CCNI: variants seen among roughly 807,000 people sequenced by gnomAD.
CCNI encodes the protein cyclin-I.
CCNI carries 14 observed loss-of-function variants against 34.1 expected under a neutral mutation model. The observed-to-expected ratio is 0.41, with a 90% CI of 0.27 to 0.64. The LOEUF is 0.64. Ranked by LOEUF, CCNI falls within the 30% of genes least tolerant of loss-of-function variation. CCNI has a pLI of 0.31. For synonymous variants in CCNI, 154 were observed against 158.4 expected, an observed-to-expected ratio of 0.97 and a Z score of 0.21; for missense variants, 385 against 440.5, an observed-to-expected ratio of 0.87 and a Z score of 1.13.
At chr4:77,061,079 T>G (rs1728569412) in intron 2 of CCNI, among the ~76,000 whole-genome samples, 1 of 152,160 alleles carries the variant, frequency 6.6e-6, no homozygotes, top group African/African-American at 2.4e-5. Flanking sequence ...ATAGTAAAAT[T>G]TAACAACAGG....
intron 1 of CCNI, among the ~76,000 whole-genome samples, chr4:77,073,516 G>A (rs1578261009): frequency 6.6e-6 from 1 of 152,188 alleles, no homozygotes; most frequent in Admixed American, 6.5e-5. Flanking sequence ...AGGGATTAAC[G>A]TGGCCATACA....
At chr4:77,064,586 C>CGCAT (rs200531589) in intron 2 of CCNI, 1 of 18,730 alleles carries the variant, frequency 5.3e-5, no homozygotes, top group Non-Finnish European at 1.1e-4. Flanking sequence ...CGCGCGCGCG[C>CGCAT]ACACACACAC....
chr4:77,049,530 T>C (rs574083223), intron 6 of CCNI, among the ~76,000 whole-genome samples: 118 of 152,070 alleles, frequency 7.8e-4, no homozygotes, highest in Non-Finnish European at 1.5e-3. Flanking sequence ...TACAAAACAT[T>C]AGCAGGACAT....
In CCNI at chr4:77,056,026, C is replaced by G; in HGVS notation, c.395G>C (p.Arg132Thr). ...CCAATTCAACTTATCCAGAATAATT[C>G]TCTCCATTCTCAAAATTTCAGATGA... is the stretch of plus-strand genomic sequence containing the variant. Reference protein sequence around the residue: ...CSSSEILRMERIILDKLNWDL... With the variant: ...CSSSEILRMETIILDKLNWDL... The change falls in exon 5 of 7, where the codon AGA becomes ACA. Residue 132 changes from arginine to threonine, a missense_variant. This residue lies in a region of CCNI where 135 missense variants were observed against 191.8 expected (regional missense o/e 0.70). Coordinates refer to ENST00000237654, the MANE Select transcript of CCNI (RefSeq NM_006835.3). The G allele has an allele frequency of 1.2e-6, 2 of 1,613,244 alleles. No homozygotes were observed. Among genetic ancestry groups the G allele is most frequent in the Non-Finnish European group, 1.7e-6 (2 of 1,179,290 alleles).
At chr4:77,052,438 G>A (rs1261085675) in intron 6 of CCNI, among the ~76,000 whole-genome samples, 1 of 152,134 alleles carries the variant, frequency 6.6e-6, no homozygotes. Context: ...AGAGAAAGAG[G>A]TTTAGCCATC....
chr4:77,063,360 A>G (rs1010679473), intron 2 of CCNI, among the ~76,000 whole-genome samples: 2 of 150,962 alleles, frequency 1.3e-5, no homozygotes, highest in African/African-American at 4.8e-5. Flanking sequence ...AAAAAAAAAA[A>G]AAAAAAAAAG....
intron 1 of CCNI, among the ~76,000 whole-genome samples, chr4:77,069,873 A>G (rs1310507106): frequency 6.6e-6 from 1 of 151,676 alleles, no homozygotes; most frequent in Non-Finnish European, 1.5e-5. Flanking sequence ...TCTCTTTCAC[A>G]CCAATCCTTC....
intron 6 of CCNI, 118 bp downstream of exon 6, chr4:77,055,032 T>C (rs1186974595): frequency 1.5e-6 from 1 of 646,858 alleles, no homozygotes; most frequent in Non-Finnish European, 2.7e-6. Flanking sequence ...TACTCTTGTC[T>C]ACTCTTAAGA....
intron 6 of CCNI, among the ~76,000 whole-genome samples, chr4:77,052,960 A>C (rs1291418666): frequency 6.6e-6 from 1 of 152,162 alleles, no homozygotes. Context: ...CCCCACTGCA[A>C]TTATATACTA....
In CCNI at chr4:77,048,510, G is replaced by A. The variant is rs367798805; in HGVS notation, c.843C>T (p.Pro281=). 16 of 1,614,104 alleles carry A rather than the reference G, an allele frequency of 9.9e-6. No individual in the cohort carries two copies. The highest frequency in any genetic ancestry group is 1.7e-5 in the Admixed American group (1 of 60,012). Reference sequence around the variant, plus strand: ...AGAAGTCTGGGCCTGGGACAGAGGAGGGATGTAATCTGAACACTCCTTTGT... The same window carrying A: ...AGAAGTCTGGGCCTGGGACAGAGGAAGGATGTAATCTGAACACTCCTTTGT... The part of the protein sequence containing the change: ...TCDKGVFRLH[P]SSVPGPDFSK... The change falls in exon 7 of 7, where the codon CCC becomes CCT. Residue 281 remains proline, a synonymous_variant. Transcript: ENST00000237654.
chr4:77,051,353 A>G (rs962298782), intron 6 of CCNI, among the ~76,000 whole-genome samples: 2 of 152,238 alleles, frequency 1.3e-5, no homozygotes, highest in Non-Finnish European at 2.9e-5. Flanking sequence ...AATAAATGCC[A>G]TGGCAGAATC....
chr4:77,062,931 A>G (rs75851639), intron 2 of CCNI, among the ~76,000 whole-genome samples: 149 of 152,360 alleles, frequency 9.8e-4, no homozygotes, highest in African/African-American at 3.5e-3. Flanking sequence ...TGAATCATAA[A>G]GAAATGATAA....
At chr4:77,060,797 G>A (rs1460387904) in intron 2 of CCNI, among the ~76,000 whole-genome samples, 1 of 152,046 alleles carries the variant, frequency 6.6e-6, no homozygotes, top group Non-Finnish European at 1.5e-5. Flanking sequence ...GCTAATTTTT[G>A]TATTTTTAGT....
chr4:77,072,515 T>C (rs1729551719), intron 1 of CCNI, among the ~76,000 whole-genome samples: 1 of 148,308 alleles, frequency 6.7e-6, no homozygotes, highest in South Asian at 2.1e-4. Context: ...CACCTGCCTG[T>C]AGTCTCAGCT....
intron 2 of CCNI, among the ~76,000 whole-genome samples, chr4:77,065,674 A>G (rs1432646053): frequency 6.6e-6 from 1 of 152,250 alleles, no homozygotes; most frequent in African/African-American, 2.4e-5. Flanking sequence ...GTTAGTATAG[A>G]TTATGATGAA....
Position 77,048,184 on chromosome 4 carries a change from C to T in CCNI, c.*35G>A. ...ATGTTCTCATTCCCAAAGTAGTCTACCTTAGTTTACACTCAAAGGTAGCAC... is the reference window on the plus strand; with the variant it reads ...ATGTTCTCATTCCCAAAGTAGTCTATCTTAGTTTACACTCAAAGGTAGCAC... On this transcript the variant is annotated 3_prime_UTR_variant, in exon 7 of 7. Coordinates refer to ENST00000237654, the MANE Select transcript of CCNI (RefSeq NM_006835.3). 6.4e-7 allele frequency: 1 copy of T among 1,550,410 alleles called. No homozygotes were observed. Among genetic ancestry groups the T allele is most frequent in the Non-Finnish European group, 8.8e-7 (1 of 1,133,116 alleles).
intron 2 of CCNI, among the ~76,000 whole-genome samples, chr4:77,060,190 A>C (rs1237991725): frequency 2.6e-5 from 4 of 152,204 alleles, no homozygotes; most frequent in African/African-American, 9.6e-5. Flanking sequence ...TACAATTGTA[A>C]GAAGAATCAC....
intron 6 of CCNI, among the ~76,000 whole-genome samples, chr4:77,053,720 G>A (rs1431553722): frequency 6.6e-6 from 1 of 152,190 alleles, no homozygotes; most frequent in South Asian, 2.1e-4. Context: ...ATAATGTAAT[G>A]TAGGAGGTTT....
At chr4:77,075,413 G>GCGCGTCGACGCCGGCCGCGGAGA in intron 1 of CCNI, 59 bp downstream of exon 1, 1 of 733,892 alleles carries the variant, frequency 1.4e-6, no homozygotes, top group African/African-American at 1.9e-5. Context: ...CGGGGCCCCA[G>GCGCGTCGACGCCGGCCGCGGAGA]CGCGTCGACG....
Sources: gnomAD v4.1 joint callset for allele counts (sites outside exome capture counted in the v4.1 genomes callset) on GRCh38, gnomAD v4.1.1 for gene constraint, gnomAD v4.1.1 regional missense constraint, MANE v1.5 for transcripts, NCBI Gene and HGNC (gene_info 2026-07-23, HGNC 2026-07-21) for gene names.